Variants in CSAD observed in about 807,000 individuals in gnomAD.
The protein encoded by CSAD is cysteine sulfinic acid decarboxylase.
A neutral mutation model predicts 61.5 loss-of-function variants in CSAD; 47 were observed. The observed-to-expected ratio is 0.76, with a 90% confidence interval of 0.60 to 0.97. The LOEUF (loss-of-function observed/expected upper bound fraction) is 0.97, where lower values mean the gene tolerates loss of function less well. Among genes scored for constraint, CSAD ranks in the 50% least tolerant of loss-of-function variants. CSAD has a pLI of 0.00. For synonymous variants in CSAD, 245 were observed against 252.7 expected (o/e 0.97, Z 0.29); for missense variants, 611 against 643.6 (o/e 0.95, Z 0.55).
At chr12:53,179,929 G>C in intron 1 of CSAD, 1 of 1,593,288 alleles carries the variant, frequency 6.3e-7, no homozygotes, top group Non-Finnish European at 8.5e-7. Context: ...CCTGGCCCAA[G>C]AGCCAGGACT....
intron 2 of CSAD, 59 bp from the exon 3 acceptor site, chr12:53,173,829 G>GT (rs1940879323): frequency 1.1e-5 from 17 of 1,558,796 alleles, no homozygotes; most frequent in Non-Finnish European, 1.5e-5. Flanking sequence ...ACAATTAAGT[G>GT]TTTTTTTCAT....
At chr12:53,179,789 G>T in intron 1 of CSAD, 1 of 1,613,262 alleles carries the variant, frequency 6.2e-7, no homozygotes, top group Non-Finnish European at 8.5e-7. Flanking sequence ...CAGAAATGAG[G>T]ACTTCAGTGG....
intron 15 of CSAD, 35 bp from the exon 16 acceptor site, chr12:53,159,747 A>T (rs775339651): frequency 6.4e-7 from 1 of 1,571,802 alleles, no homozygotes; most frequent in South Asian, 1.2e-5. Flanking sequence ...GTGTGAGCTG[A>T]GAAAGGGGGA....
At chr12:53,172,729 ACGG>A in intron 4 of CSAD, 81 bp from the exon 5 acceptor site, 1 of 1,450,820 alleles carries the variant, frequency 6.9e-7, no homozygotes, top group Non-Finnish European at 9.1e-7. Flanking sequence ...GACACGAGAC[ACGG>A]CCAACCTGCA....
At chr12:53,177,560 G>A (rs1444620086) in intron 2 of CSAD, among the ~76,000 whole-genome samples, 1 of 152,134 alleles carries the variant, frequency 6.6e-6, no homozygotes, top group Non-Finnish European at 1.5e-5. Flanking sequence ...AGGCTGAAGT[G>A]GGAGGATCAC....
intron 2 of CSAD, among the ~76,000 whole-genome samples, chr12:53,175,150 C>T (rs965542399): frequency 6.6e-6 from 1 of 152,136 alleles, no homozygotes; most frequent in Non-Finnish European, 1.5e-5. Context: ...AGGGAAATTG[C>T]CACAAGAGGG....
chr12:53,179,315 G>A (rs1437323945), intron 1 of CSAD, among the ~76,000 whole-genome samples, 173 bp from the exon 2 acceptor site: 1 of 152,178 alleles, frequency 6.6e-6, no homozygotes, highest in Non-Finnish European at 1.5e-5. Flanking sequence ...AAAATACACT[G>A]TATGGCGCAT....
chr12:53,162,128 G>T (rs1939354721), intron 10 of CSAD, among the ~76,000 whole-genome samples: 1 of 151,928 alleles, frequency 6.6e-6, no homozygotes. Flanking sequence ...GGGTGTGGTG[G>T]TGCACGCCTG....
intron 16 of CSAD, 28 bp downstream of exon 16, chr12:53,159,595 G>A (rs759504730): frequency 7.6e-6 from 12 of 1,588,342 alleles, no homozygotes; most frequent in Middle Eastern, 1.7e-4. Flanking sequence ...CTCCCTAACG[G>A]GTAAAGAGAG....
chr12:53,181,121 G>GCTA, upstream of CSAD: 1 of 968,454 alleles, frequency 1.0e-6, no homozygotes, highest in Non-Finnish European at 1.2e-6. Context: ...CTCTGCTCCC[G>GCTA]GTTGGTGCAG....
chr12:53,181,351 C>T, upstream of CSAD: 12 of 985,428 alleles, frequency 1.2e-5, no homozygotes, highest in Non-Finnish European at 1.4e-5. Flanking sequence ...CTGTAAAGTG[C>T]GAGCTTTTCG....
intron 1 of CSAD, chr12:53,180,013 C>T: frequency 6.9e-7 from 1 of 1,449,420 alleles, no homozygotes; most frequent in African/African-American, 1.4e-5. Flanking sequence ...GCTGGACGGC[C>T]TGGAGTAAAG....
At chr12:53,180,527 C>T (rs889838194) in intron 1 of CSAD, 1 of 1,275,656 alleles carries the variant, frequency 7.8e-7, no homozygotes, top group African/African-American at 1.6e-5. Flanking sequence ...CCTCAGCGCT[C>T]CCTCCTCCAT....
At chr12:53,179,575 CAT>C (rs1280083819) in intron 1 of CSAD, 1 of 515,584 alleles carries the variant, frequency 1.9e-6, no homozygotes, top group East Asian at 3.2e-5. Flanking sequence ...TCTCTTTCTC[CAT>C]TTTGTCTCTA....
chr12:53,170,856 G>A (rs1039446918), intron 8 of CSAD: 9 of 381,492 alleles, frequency 2.4e-5, no homozygotes, highest in Admixed American at 1.6e-4. Flanking sequence ...AAGCAGCTGG[G>A]ACTACAGGTG....
Position 53,158,180 on chromosome 12 carries a change from C to T in CSAD, c.*331G>A. On this transcript the variant is annotated 3_prime_UTR_variant, in exon 17 of 17. Transcript: ENST00000444623. ...TTGGAACAGAGTCTCGTACTGTTGC[C>T]CAGCCTGGAGTGCAGGGGTGCAATC... The T allele has an allele frequency of 5.5e-6, 1 of 182,090 alleles. No individual in the cohort carries two copies. The highest frequency in any genetic ancestry group is 1.2e-5 in the Non-Finnish European group (1 of 86,722). The allele number at this position is 182,090 out of a possible 1,614,324, so 11.3% of individuals were successfully genotyped here.
At chr12:53,173,864 T>C (rs1443963727) in intron 2 of CSAD, 94 bp from the exon 3 acceptor site, 27 of 1,242,068 alleles carry the variant, frequency 2.2e-5, no homozygotes, top group Non-Finnish European at 2.8e-5. Context: ...GTTGCAACCA[T>C]CATCACTATC....
intron 7 of CSAD, 186 bp downstream of exon 7, chr12:53,171,696 C>T (rs1225683860): frequency 3.2e-6 from 2 of 618,564 alleles, no homozygotes; most frequent in Non-Finnish European, 5.6e-6. Flanking sequence ...ACCACTGACC[C>T]CAGGGAATGG....
At chr12:53,160,647 C>G in intron 13 of CSAD, 116 bp downstream of exon 13, 1 of 924,564 alleles carries the variant, frequency 1.1e-6, no homozygotes, top group Non-Finnish European at 1.7e-6. Context: ...TGAGATGCAG[C>G]TTCAGAAGGG....
Sources: gnomAD v4.1 joint callset for allele counts (sites outside exome capture counted in the v4.1 genomes callset) on GRCh38, gnomAD v4.1.1 for gene constraint, MANE v1.5 for transcripts, NCBI Gene and HGNC (gene_info 2026-07-23, HGNC 2026-07-21) for gene names.